Variants in EPB41L5 observed in about 807,000 individuals in gnomAD.
EPB41L5 encodes the protein erythrocyte membrane protein band 4.1 like 5.
Under a neutral mutation model 106.6 loss-of-function variants are expected in EPB41L5, and 55 were observed. The observed-to-expected ratio is 0.52, with a 90% CI of 0.42 to 0.65. EPB41L5 has a LOEUF of 0.65. Ranked by LOEUF, EPB41L5 falls within the 30% of genes least tolerant of loss-of-function variation. The pLI is 0.00. For synonymous variants in EPB41L5, 297 were observed against 306.7 expected (o/e 0.97, Z 0.33); for missense variants, 871 against 882.1 (o/e 0.99, Z 0.16).
At chr2:120,109,224 A>C (rs982840490) in intron 16 of EPB41L5, among the ~76,000 whole-genome samples, 1 of 152,190 alleles carries the variant, frequency 6.6e-6, no homozygotes, top group Non-Finnish European at 1.5e-5. Flanking sequence ...AATACACACA[A>C]AATTTTTGAG....
intron 10 of EPB41L5, among the ~76,000 whole-genome samples, chr2:120,083,761 T>C (rs1221024388): frequency 6.6e-6 from 1 of 152,224 alleles, no homozygotes; most frequent in African/African-American, 2.4e-5. Context: ...CTCTAAGCAC[T>C]TGCTTTATGA....
chr2:120,052,059 T>TC (rs1188113530), intron 3 of EPB41L5, among the ~76,000 whole-genome samples: 4 of 152,190 alleles, frequency 2.6e-5, no homozygotes, highest in Non-Finnish European at 5.9e-5. Flanking sequence ...ACTCCTGACC[T>TC]CGTGATCTGC....
At chr2:120,080,894 A>T (rs868238214) in intron 10 of EPB41L5, among the ~76,000 whole-genome samples, 1 of 152,156 alleles carries the variant, frequency 6.6e-6, no homozygotes, top group Admixed American at 6.5e-5. Context: ...TGTTGGCTGC[A>T]TAAATGTCTT....
chr2:120,146,361 TCAC>T, intron 20 of EPB41L5, 72 bp downstream of exon 20: 1 of 1,122,286 alleles, frequency 8.9e-7, no homozygotes, highest in East Asian at 2.5e-5. Context: ...TCTCAGTCTG[TCAC>T]CACATGGTTT....
chr2:120,155,870 C>T (rs772270998), intron 20 of EPB41L5, among the ~76,000 whole-genome samples: 1 of 151,982 alleles, frequency 6.6e-6, no homozygotes, highest in South Asian at 2.1e-4. Context: ...GGCTTGCTTC[C>T]GGCCCCCAGC....
At chr2:120,124,081 T>C (rs1299331185) in intron 16 of EPB41L5, among the ~76,000 whole-genome samples, 2 of 152,200 alleles carry the variant, frequency 1.3e-5, no homozygotes, top group African/African-American at 4.8e-5. Flanking sequence ...AATCCAGTGA[T>C]GGCGTATGTG....
At chr2:120,150,578 G>A (rs1322020549) in intron 20 of EPB41L5, among the ~76,000 whole-genome samples, 8 of 152,064 alleles carry the variant, frequency 5.3e-5, no homozygotes, top group African/African-American at 2.4e-5. Context: ...CTAGCCTCAG[G>A]CAATCCTCTT....
chr2:120,132,305 G>A (rs1438980260), intron 18 of EPB41L5, among the ~76,000 whole-genome samples: 2 of 152,218 alleles, frequency 1.3e-5, no homozygotes, highest in Non-Finnish European at 2.9e-5. Context: ...TCAGCTACCA[G>A]ATGGCCCCAC....
At chr2:120,110,101 A>C (rs1428874883) in intron 16 of EPB41L5, among the ~76,000 whole-genome samples, 1 of 152,206 alleles carries the variant, frequency 6.6e-6, no homozygotes, top group African/African-American at 2.4e-5. Flanking sequence ...TTATGCTACT[A>C]CTCCACCAAA....
intron 16 of EPB41L5, among the ~76,000 whole-genome samples, chr2:120,112,320 GCTCC>G (rs1684760782): frequency 6.6e-6 from 1 of 152,130 alleles, no homozygotes. Context: ...CAGAATGTAC[GCTCC>G]GTTAAGGGAG....
chr2:120,027,176 A>G (rs779206327), intron 2 of EPB41L5, among the ~76,000 whole-genome samples: 1 of 152,254 alleles, frequency 6.6e-6, no homozygotes, highest in African/African-American at 2.4e-5. Flanking sequence ...ACCTGACCCA[A>G]CAGTTACATT....
In EPB41L5 at chr2:120,127,757, G is replaced by A. The variant is rs1193248148; in HGVS notation, c.1407G>A (p.Gly469=). The change falls in exon 17 of 25, where the codon GGG becomes GGA. Residue 469 remains glycine (G), a synonymous_variant. Coordinates refer to ENST00000263713, the MANE Select transcript of EPB41L5 (RefSeq NM_020909.4). ...LLEATIGDVI[G]ASDTMETSQA... is the part of the protein sequence containing the mutation. Reference sequence around the variant, plus strand: ...AAGCAACGATTGGTGATGTAATTGGGGCATCTGACACTATGGAAACATCCC... The same window carrying A: ...AAGCAACGATTGGTGATGTAATTGGAGCATCTGACACTATGGAAACATCCC... 6.2e-7 allele frequency: 1 copy of A among 1,613,560 alleles called. No homozygotes were observed. Among genetic ancestry groups the A allele is most frequent in the Admixed American group, 1.7e-5 (1 of 59,984 alleles).
At position 120,178,392 on chromosome 2, in the gene EPB41L5, G is replaced by A. The variant is rs1687990907; in HGVS notation, c.*3485G>A. 4 of 151,828 alleles carry A rather than the reference G, an allele frequency of 2.6e-5. No individual in the cohort carries two copies. Among genetic ancestry groups the A allele is most frequent in the Admixed American group, 2.0e-4 (3 of 15,244 alleles). The allele number at this position is 151,828 out of a possible 1,614,324, so 9.4% of individuals were successfully genotyped here. On this transcript the variant is annotated 3_prime_UTR_variant, in exon 25 of 25. Coordinates refer to ENST00000263713, the MANE Select transcript of EPB41L5 (RefSeq NM_020909.4). ...CTGAGGGTCTTTGTGAGCTCCCACT[G>A]TTGTGGGTGTCTCAGCTCTGAGGGT...
chr2:120,151,467 GA>G (rs1305284795), intron 20 of EPB41L5, among the ~76,000 whole-genome samples: 1 of 151,990 alleles, frequency 6.6e-6, no homozygotes, highest in Non-Finnish European at 1.5e-5. Context: ...CAGCATAAAA[GA>G]TTTAAAAACC....
chr2:120,072,881 G>A (rs1312815450), intron 3 of EPB41L5, among the ~76,000 whole-genome samples: 1 of 151,404 alleles, frequency 6.6e-6, no homozygotes, highest in African/African-American at 2.4e-5. Context: ...GTATACTTAC[G>A]TAACAAACCT....
intron 10 of EPB41L5, among the ~76,000 whole-genome samples, chr2:120,079,402 G>A (rs1682482811): frequency 6.6e-6 from 1 of 152,108 alleles, no homozygotes; most frequent in African/African-American, 2.4e-5. Flanking sequence ...TGAATTCTCT[G>A]ACTCAGATCC....
intron 3 of EPB41L5, among the ~76,000 whole-genome samples, chr2:120,072,496 C>T (rs1681938730): frequency 6.6e-6 from 1 of 152,168 alleles, no homozygotes; most frequent in Non-Finnish European, 1.5e-5. Context: ...TTTATTGCAG[C>T]ACTGTTCACA....
In EPB41L5 at chr2:120,143,331, A is replaced by T. The variant is rs550568191; in HGVS notation, c.1728+200A>T. On this transcript the variant is annotated intron_variant, in intron 19 of 24. Coordinates refer to ENST00000263713, the MANE Select transcript of EPB41L5 (RefSeq NM_020909.4). ...TAGAAGTGAGCCTTCAATGTTTGCC[A>T]CTTTGATAGCCAGAAAGCCTTGTGA... 3.3e-5 allele frequency among the ~76,000 whole-genome samples: 5 copies of T among 152,288 alleles called. No individual in the cohort carries two copies. The South Asian group carries it at 8.3e-4, about 25-fold the overall frequency.
chr2:120,167,640 A>G, intron 23 of EPB41L5, 133 bp downstream of exon 23: 1 of 1,074,282 alleles, frequency 9.3e-7, no homozygotes, highest in Non-Finnish European at 1.4e-6. Context: ...AACTTAACTT[A>G]ATGGCTTCAA....
Sources: gnomAD v4.1 joint callset for allele counts (sites outside exome capture counted in the v4.1 genomes callset) on GRCh38, gnomAD v4.1.1 for gene constraint, MANE v1.5 for transcripts, NCBI Gene and HGNC (gene_info 2026-07-23, HGNC 2026-07-21) for gene names.